MZT2A: variants seen among roughly 807,000 people sequenced by gnomAD.
The protein encoded by MZT2A is mitotic-spindle organizing protein 2A.
A neutral mutation model predicts 12.4 loss-of-function variants in MZT2A; 8 were observed. That is an observed-to-expected ratio of 0.64 (90% confidence interval 0.38 to 1.16). The LOEUF is 1.16. Ranked by LOEUF, MZT2A falls within the 50% of genes most tolerant of loss-of-function variation. MZT2A has a pLI of 0.01. For missense variants in MZT2A, 181 were observed against 223.6 expected (o/e 0.81, Z 1.22); for synonymous variants, 88 against 107.5 (o/e 0.82, Z 1.12).
chr2:131,479,781 A>G (rs966162997), downstream of MZT2A, among the ~76,000 whole-genome samples: 1 of 152,080 alleles, frequency 6.6e-6, no homozygotes, highest in Admixed American at 6.6e-5. Context: ...CGGAGGTTGC[A>G]ATGAGCTGAG....
At chr2:131,478,194 G>T in intron 2 of MZT2A, 1 of 1,613,856 alleles carries the variant, frequency 6.2e-7, no homozygotes, top group East Asian at 2.2e-5. Context: ...CGTGGGGCAG[G>T]CGGGTGTCCA....
At chr2:131,490,521 T>C in intron 2 of MZT2A, 1 of 1,454,386 alleles carries the variant, frequency 6.9e-7, no homozygotes, top group Non-Finnish European at 9.0e-7. Context: ...GACTGTGGGG[T>C]CTAGAGACTG....
At chr2:131,488,361 G>C (rs1397607980) in intron 2 of MZT2A, among the ~76,000 whole-genome samples, 1 of 152,178 alleles carries the variant, frequency 6.6e-6, no homozygotes, top group African/African-American at 2.4e-5. Context: ...GGGTATGAGT[G>C]AATCTGGTGG....
intron 1 of MZT2A, 24 bp downstream of exon 1, chr2:131,492,183 G>A: frequency 4.5e-6 from 7 of 1,542,704 alleles, no homozygotes; most frequent in Non-Finnish European, 5.2e-6. Context: ...TGGCGAGCAT[G>A]CGGCCCCCAC....
chr2:131,481,529 G>T (rs1224543432), downstream of MZT2A, among the ~76,000 whole-genome samples: 3 of 149,866 alleles, frequency 2.0e-5, no homozygotes, highest in East Asian at 5.9e-4. Context: ...TCCACCTCCC[G>T]GGCTCAAGCA....
chr2:131,481,655 G>A (rs1463076280), downstream of MZT2A, among the ~76,000 whole-genome samples: 2 of 151,374 alleles, frequency 1.3e-5, no homozygotes, highest in African/African-American at 2.4e-5. Context: ...GGCTGGTCTC[G>A]AACTCCTGGC....
At chr2:131,486,654 CTT>C (rs1187551010) in intron 2 of MZT2A, 1 of 150,912 alleles carries the variant, frequency 6.6e-6, no homozygotes, top group Non-Finnish European at 1.5e-5. Flanking sequence ...GAGACTGAGT[CTT>C]GCTCTGTCAC....
At chr2:131,470,176 T>TACTTCCATCTCCTCCTCCTTGTCCCAC in intron 4 of MZT2A, 1 of 371,832 alleles carries the variant, frequency 2.7e-6, no homozygotes, top group East Asian at 7.4e-5. Context: ...TCTGCATGGC[T>TACTTCCATCTCCTCCTCCTTGTCCCAC]ACTTCCATCT....
chr2:131,492,484 C>A (rs1250597913), upstream of MZT2A: 2 of 1,130,428 alleles, frequency 1.8e-6, no homozygotes, highest in African/African-American at 1.7e-5. Flanking sequence ...GCTGCCCTGG[C>A]GGGAGCGGCG....
intron 2 of MZT2A, among the ~76,000 whole-genome samples, chr2:131,475,548 T>C (rs867096333): frequency 9.9e-5 from 15 of 151,962 alleles, no homozygotes; most frequent in Admixed American, 3.9e-4. Flanking sequence ...AGGCTGGTCT[T>C]GGGAACTCTT....
chr2:131,490,773 G>A, intron 2 of MZT2A: 1 of 1,549,962 alleles, frequency 6.5e-7, no homozygotes, highest in South Asian at 1.2e-5. Flanking sequence ...CCTGGAGAGA[G>A]AGGTGAGTGT....
chr2:131,490,458 C>T (rs966483940), intron 2 of MZT2A: 20 of 1,364,232 alleles, frequency 1.5e-5, no homozygotes, highest in Non-Finnish European at 1.7e-5. Flanking sequence ...ACACTCACCA[C>T]TAGTTCGCCT....
At chr2:131,490,957 C>T in intron 2 of MZT2A, 1 of 1,549,188 alleles carries the variant, frequency 6.5e-7, no homozygotes. Context: ...GGCCAGCACG[C>T]AGGTGCCCGG....
intron 2 of MZT2A, among the ~76,000 whole-genome samples, chr2:131,487,849 C>T (rs530661832): frequency 1.3e-5 from 2 of 152,340 alleles, no homozygotes; most frequent in African/African-American, 4.8e-5. Context: ...TCACTGCAAC[C>T]TCAACCTCCC....
At chr2:131,478,430 G>A in intron 2 of MZT2A, 3 of 1,544,472 alleles carry the variant, frequency 1.9e-6, no homozygotes, top group Non-Finnish European at 2.6e-6. Flanking sequence ...GAGAGGGTGG[G>A]AGAGCATTGG....
intron 2 of MZT2A, among the ~76,000 whole-genome samples, chr2:131,486,819 G>A (rs910262372): frequency 1.6e-4 from 24 of 152,030 alleles, no homozygotes; most frequent in African/African-American, 5.8e-4. Context: ...TGACAGGGTT[G>A]ACAAACCCTG....
chr2:131,479,708 C>T (rs1354411466), downstream of MZT2A, among the ~76,000 whole-genome samples: 1 of 152,088 alleles, frequency 6.6e-6, no homozygotes, highest in Non-Finnish European at 1.5e-5. Flanking sequence ...GGTGTGGGGG[C>T]ACACACCTGT....
At chr2:131,490,121 C>T in intron 2 of MZT2A, 1 of 694,892 alleles carries the variant, frequency 1.4e-6, no homozygotes, top group Non-Finnish European at 1.8e-6. Context: ...TGTCAGGAGG[C>T]TCATGCAGGA....
upstream of MZT2A, chr2:131,493,261 C>T: frequency 7.4e-7 from 1 of 1,343,666 alleles, no homozygotes; most frequent in East Asian, 3.0e-5. Context: ...GGCGGCTCTG[C>T]CCAGGCCGGG....
Sources: gnomAD v4.1 joint callset for allele counts (sites outside exome capture counted in the v4.1 genomes callset) on GRCh38, gnomAD v4.1.1 for gene constraint, MANE v1.5 for transcripts, NCBI Gene and HGNC (gene_info 2026-07-23, HGNC 2026-07-21) for gene names.